The following CCSER1 variants were observed in gnomAD, a reference collection of about 807,000 sequenced individuals.
CCSER1 encodes the protein serine-rich coiled-coil domain-containing protein 1.
CCSER1 carries 41 observed loss-of-function variants against 82.0 expected under a neutral mutation model. The ratio of observed to expected loss-of-function variants is 0.50; its 90% CI spans 0.39 to 0.65. CCSER1 has a LOEUF of 0.65. CCSER1 is among the 30% of genes least tolerant of loss of function. The pLI, the probability that CCSER1 is intolerant of heterozygous loss-of-function variation, is 0.00. For missense variants in CCSER1, 1,119 were observed against 1,064.2 expected (o/e 1.05, Z -0.72); for synonymous variants, 414 against 383.9 (o/e 1.08, Z -0.92).
At chr4:91,487,284 A>G (rs957658271) in intron 10 of CCSER1, among the ~76,000 whole-genome samples, 11 of 152,252 alleles carry the variant, frequency 7.2e-5, no homozygotes, top group African/African-American at 2.6e-4. Flanking sequence ...TTTGGGAAAC[A>G]TAAGTCAAGA....
intron 10 of CCSER1, among the ~76,000 whole-genome samples, chr4:91,269,094 T>A (rs563032347): frequency 6.6e-6 from 1 of 152,364 alleles, no homozygotes; most frequent in South Asian, 2.1e-4. Flanking sequence ...GCAAATTCTG[T>A]ACACTGTCTG....
At chr4:91,351,711 A>G (rs1748482691) in intron 10 of CCSER1, among the ~76,000 whole-genome samples, 1 of 152,196 alleles carries the variant, frequency 6.6e-6, no homozygotes, top group Non-Finnish European at 1.5e-5. Context: ...AGAGAGAATA[A>G]TAATAGGCAG....
intron 10 of CCSER1, among the ~76,000 whole-genome samples, chr4:91,177,153 A>G (rs1223850731): frequency 6.6e-6 from 1 of 152,192 alleles, no homozygotes; most frequent in Non-Finnish European, 1.5e-5. Context: ...CCAGCCTTGC[A>G]TCCCAGGGAT....
chr4:90,916,069 C>T lies in CCSER1; in HGVS notation c.2095-7301C>T, dbSNP rs1727345959. ...GCTCATGGATAGGAAGAATCAATAT[C>T]ATGAAAATGGCCATACTACCCAAGG... On this transcript the variant is annotated intron_variant, in intron 8 of 10. Transcript: ENST00000509176. Among the ~76,000 whole-genome samples the T allele has an allele frequency of 2.0e-5, 3 of 152,056 alleles. No individual in the cohort carries two copies. The East Asian group carries it at 5.8e-4, about 29-fold the overall frequency.
chr4:90,891,753 C>A (rs1204921811), intron 8 of CCSER1, among the ~76,000 whole-genome samples: 1 of 151,962 alleles, frequency 6.6e-6, no homozygotes, highest in Admixed American at 6.6e-5. Context: ...GTGCGGTTTT[C>A]ATTTATGTGA....
At chr4:90,806,933 C>T (rs1208553659) in intron 7 of CCSER1, among the ~76,000 whole-genome samples, 2 of 151,624 alleles carry the variant, frequency 1.3e-5, no homozygotes, top group Non-Finnish European at 2.9e-5. Flanking sequence ...TCCTTAACTC[C>T]ATTTGATTCC....
Position 90,973,931 on chromosome 4 carries a change from C to T in CCSER1, c.2172+50484C>T, listed in dbSNP as rs114309398. 2.0e-3 allele frequency among the ~76,000 whole-genome samples: 305 copies of T among 151,586 alleles called. 1 individual carries two copies. The highest frequency in any genetic ancestry group is 6.8e-3 in the Middle Eastern group (2 of 292). ...AATGAACGAGAATGTGTTCCTGGTC[C>T]ATTCATGCTAAGTGAAGTAAGCCAG... On this transcript the variant is annotated intron_variant, in intron 9 of 10. Transcript: ENST00000509176.
intron 10 of CCSER1, among the ~76,000 whole-genome samples, chr4:91,545,432 G>GTT (rs1761839059): frequency 6.6e-6 from 1 of 152,154 alleles, no homozygotes; most frequent in Admixed American, 6.5e-5. Flanking sequence ...GACTGGAGGT[G>GTT]TTCCTATTTG....
At chr4:91,371,575 C>T (rs557964043) in intron 10 of CCSER1, among the ~76,000 whole-genome samples, 1 of 152,040 alleles carries the variant, frequency 6.6e-6, no homozygotes, top group Non-Finnish European at 1.5e-5. Context: ...TTCATTCATC[C>T]GTTCATGGAC....
chr4:90,150,119 A>C (rs1400442627), intron 1 of CCSER1, among the ~76,000 whole-genome samples: 1 of 152,160 alleles, frequency 6.6e-6, no homozygotes, highest in Non-Finnish European at 1.5e-5. Context: ...TCGTGCAATG[A>C]AAAACCCACA....
chr4:90,583,255 C>A (rs1473498528), intron 5 of CCSER1, among the ~76,000 whole-genome samples: 1 of 152,178 alleles, frequency 6.6e-6, no homozygotes, highest in Non-Finnish European at 1.5e-5. Context: ...CAAACTCCGC[C>A]TCCCTGGTTC....
intron 3 of CCSER1, among the ~76,000 whole-genome samples, chr4:90,341,328 T>C (rs956622007): frequency 2.0e-5 from 3 of 152,130 alleles, no homozygotes; most frequent in African/African-American, 7.2e-5. Context: ...TATCTCTTCT[T>C]GTAATCATCT....
chr4:91,359,472 G>A (rs1749103944), intron 10 of CCSER1, among the ~76,000 whole-genome samples: 1 of 151,842 alleles, frequency 6.6e-6, no homozygotes, highest in South Asian at 2.1e-4. Context: ...ATAAACTTAT[G>A]ATGGCAAAAG....
chr4:91,097,869 A>G (rs1210272288), intron 10 of CCSER1, among the ~76,000 whole-genome samples: 1 of 152,142 alleles, frequency 6.6e-6, no homozygotes, highest in African/African-American at 2.4e-5. Context: ...GAAAATAATG[A>G]GCATATCTTA....
chr4:91,545,016 C>A (rs1761812859), intron 10 of CCSER1, among the ~76,000 whole-genome samples: 1 of 152,090 alleles, frequency 6.6e-6, no homozygotes, highest in Non-Finnish European at 1.5e-5. Context: ...GGTGGATAAG[C>A]CTCAGCAATG....
intron 9 of CCSER1, among the ~76,000 whole-genome samples, chr4:90,946,999 C>T (rs886533480): frequency 5.9e-5 from 9 of 151,720 alleles, no homozygotes; most frequent in African/African-American, 1.7e-4. Context: ...AACAATCCTC[C>T]TCTGTTATGT....
At position 91,225,666 on chromosome 4, in the gene CCSER1, A is replaced by G. The variant is rs74804852; in HGVS notation, c.2217+139672A>G. Among the ~76,000 whole-genome samples, 245 of 151,906 alleles carry G rather than the reference A, an allele frequency of 1.6e-3. 2 individuals are homozygous for G. The highest frequency in any genetic ancestry group is 5.5e-3 in the African/African-American group (230 of 41,504). On this transcript the variant is annotated intron_variant, in intron 10 of 10. Transcript: ENST00000509176. Reference sequence around the variant, plus strand: ...TGTATTCTGTTTCTCTATGCCATTGACCTGCTGCATGTTTTGTTGCCATAA... The same window carrying G: ...TGTATTCTGTTTCTCTATGCCATTGGCCTGCTGCATGTTTTGTTGCCATAA...
At chr4:91,079,026 T>G (rs1350560092) in intron 9 of CCSER1, among the ~76,000 whole-genome samples, 1 of 152,140 alleles carries the variant, frequency 6.6e-6, no homozygotes, top group Non-Finnish European at 1.5e-5. Flanking sequence ...CCAGGAGAAC[T>G]TCCCCAACAT....
At chr4:91,016,425 CAT>C (rs1457206222) in intron 9 of CCSER1, among the ~76,000 whole-genome samples, 1 of 151,966 alleles carries the variant, frequency 6.6e-6, no homozygotes, top group East Asian at 1.9e-4. Flanking sequence ...AGACTTCAGA[CAT>C]ATGTTTTAAA....
Sources: gnomAD v4.1 joint callset for allele counts (sites outside exome capture counted in the v4.1 genomes callset) on GRCh38, gnomAD v4.1.1 for gene constraint, MANE v1.5 for transcripts, NCBI Gene and HGNC (gene_info 2026-07-23, HGNC 2026-07-21) for gene names.